M1AP: variants seen among roughly 807,000 people sequenced by gnomAD.
M1AP encodes the protein meiosis 1 arrest protein.
A neutral mutation model predicts 51.2 loss-of-function variants in M1AP; 39 were observed. The ratio of observed to expected loss-of-function variants is 0.76; its 90% CI spans 0.59 to 1.00. The LOEUF (loss-of-function observed/expected upper bound fraction) is 1.00. Ranked by LOEUF, M1AP falls within the 50% of genes least tolerant of loss-of-function variation. The pLI is 0.00. For missense variants in M1AP, 545 were observed against 641.2 expected, an observed-to-expected ratio of 0.85 and a Z score of 1.62; for synonymous variants, 251 against 249.2, an observed-to-expected ratio of 1.01 and a Z score of -0.07.
intron 2 of M1AP, among the ~76,000 whole-genome samples, chr2:74,630,922 T>C (rs377192648): frequency 1.6e-4 from 24 of 152,384 alleles, no homozygotes; most frequent in South Asian, 6.2e-4. Context: ...TACTCTGTTT[T>C]TGCCCTAGCA....
At chr2:74,580,857 A>G (rs548674655) in intron 5 of M1AP, among the ~76,000 whole-genome samples, 1 of 152,058 alleles carries the variant, frequency 6.6e-6, no homozygotes, top group East Asian at 1.9e-4. Context: ...CCTAAAGAAG[A>G]TATACTTTGG....
At chr2:74,641,083 GACT>G (rs1683271938) in intron 1 of M1AP, among the ~76,000 whole-genome samples, 1 of 152,110 alleles carries the variant, frequency 6.6e-6, no homozygotes, top group Non-Finnish European at 1.5e-5. Flanking sequence ...ATGAAAATAT[GACT>G]ACATTTCTCC....
rs768337289 is a variant in M1AP, at chr2:74,581,627, C to T, written c.769+47G>A. The T allele has an allele frequency of 7.6e-6, 12 of 1,575,588 alleles. No individual in the cohort carries two copies. In the South Asian group the frequency reaches 8.0e-5, roughly 10 times the overall value. On this transcript the variant is annotated intron_variant, in intron 5 of 10. Transcript: ENST00000421985. ...TCACCACCAATCTAGAGTCCTGATC[C>T]CAGATAAGAATAATCATAGCCTAAA...
At chr2:74,598,367 T>C (rs1198332811) in intron 4 of M1AP, among the ~76,000 whole-genome samples, 1 of 147,600 alleles carries the variant, frequency 6.8e-6, no homozygotes, top group Non-Finnish European at 1.5e-5. Flanking sequence ...GGGTGACAGA[T>C]CGAGACTCCA....
intron 1 of M1AP, chr2:74,647,182 C>A (rs1361115221): frequency 9.2e-6 from 9 of 978,330 alleles, no homozygotes; most frequent in Non-Finnish European, 1.1e-5. Context: ...AATCCAATAT[C>A]TTTACCCTGG....
intron 3 of M1AP, among the ~76,000 whole-genome samples, chr2:74,611,419 AC>A (rs1681336123): frequency 6.6e-6 from 1 of 152,210 alleles, no homozygotes; most frequent in African/African-American, 2.4e-5. Context: ...TTGTGTATAT[AC>A]AGGAATGTAT....
At chr2:74,607,265 T>A (rs975455169) in intron 3 of M1AP, 42 bp from the exon 4 acceptor site, 5 of 1,591,234 alleles carry the variant, frequency 3.1e-6, no homozygotes, top group African/African-American at 1.3e-5. Context: ...TTCTCCCTGA[T>A]GTACAGAGTG....
intron 4 of M1AP, among the ~76,000 whole-genome samples, chr2:74,604,930 C>A (rs1680881822): frequency 6.6e-6 from 1 of 152,116 alleles, no homozygotes; most frequent in African/African-American, 2.4e-5. Flanking sequence ...AAAAGTCTGG[C>A]CAGGCATGGT....
intron 1 of M1AP, among the ~76,000 whole-genome samples, chr2:74,645,669 T>C (rs369860433): frequency 1.5e-4 from 23 of 152,116 alleles, no homozygotes; most frequent in South Asian, 6.2e-4. Flanking sequence ...CCCCCTTAAT[T>C]TGCATGTAAT....
intron 1 of M1AP, chr2:74,648,040 A>T: frequency 3.0e-6 from 3 of 985,406 alleles, no homozygotes; most frequent in Non-Finnish European, 3.6e-6. Flanking sequence ...CCGGGCCCAG[A>T]CTCCGCGCAG....
chr2:74,627,289 C>T (rs1251828511), intron 2 of M1AP, among the ~76,000 whole-genome samples: 1 of 151,924 alleles, frequency 6.6e-6, no homozygotes, highest in African/African-American at 2.4e-5. Flanking sequence ...GAAAAATTTT[C>T]TTCCATTATA....
chr2:74,624,016 G>A (rs17667404), intron 2 of M1AP, among the ~76,000 whole-genome samples: 5,604 of 152,246 alleles, frequency 0.037, 174 homozygotes, highest in South Asian at 0.058. Context: ...GGAATCAGCA[G>A]GCATAGTATT....
intron 5 of M1AP, 153 bp from the exon 6 acceptor site, chr2:74,576,771 G>A: frequency 8.2e-7 from 1 of 1,212,750 alleles, no homozygotes; most frequent in South Asian, 1.6e-5. Context: ...GCAGGAGAGT[G>A]GAAAGAGGAA....
chr2:74,604,658 G>A (rs1009775478), intron 4 of M1AP, among the ~76,000 whole-genome samples: 25 of 152,158 alleles, frequency 1.6e-4, no homozygotes, highest in Admixed American at 1.5e-3. Context: ...TCCATGGCCC[G>A]GGGGTTGGAG....
rs1679069775 is a variant in M1AP at position 74,576,437 on chromosome 2, A to G, written c.932+19T>C. 6.2e-7 allele frequency: 1 copy of G among 1,612,204 alleles called. No homozygotes were observed. The highest frequency in any genetic ancestry group is 8.5e-7 in the Non-Finnish European group (1 of 1,179,338). ...AGAATAGCATTTGCATGGATTGGGG[A>G]GGTTCCCTTGGACCATACTTGATCA... On this transcript the variant is annotated intron_variant, in intron 6 of 10. Transcript: ENST00000421985.
chr2:74,588,110 C>T (rs964997970), intron 4 of M1AP, among the ~76,000 whole-genome samples: 2 of 152,208 alleles, frequency 1.3e-5, no homozygotes, highest in African/African-American at 4.8e-5. Flanking sequence ...CTTCCCCCGT[C>T]TCACAGGGCC....
chr2:74,573,470 G>C (rs1020793930), intron 7 of M1AP, among the ~76,000 whole-genome samples: 1 of 151,684 alleles, frequency 6.6e-6, no homozygotes. Context: ...CTCATGTCTC[G>C]GCCTCCTGAG....
At chr2:74,587,384 G>A (rs957380660) in intron 4 of M1AP, among the ~76,000 whole-genome samples, 6 of 152,020 alleles carry the variant, frequency 3.9e-5, no homozygotes, top group Admixed American at 3.3e-4. Flanking sequence ...ATTTTTAGTA[G>A]AGATGGGGCT....
chr2:74,644,420 C>G (rs913409538), intron 1 of M1AP, among the ~76,000 whole-genome samples: 1 of 152,056 alleles, frequency 6.6e-6, no homozygotes, highest in Non-Finnish European at 1.5e-5. Flanking sequence ...CGCTTGTAAT[C>G]CCAGCTACTC....
Sources: allele counts gnomAD v4.1 joint callset (sites outside exome capture counted in the v4.1 genomes callset), GRCh38; gene constraint gnomAD v4.1.1; transcripts MANE v1.5; gene names NCBI Gene and HGNC (gene_info 2026-07-23, HGNC 2026-07-21).